Variants in NRG2 observed in about 807,000 individuals in gnomAD.
NRG2 encodes pro-neuregulin-2, membrane-bound isoform.
A neutral mutation model predicts 73.9 loss-of-function variants in NRG2; 27 were observed. The ratio of observed to expected loss-of-function variants is 0.37; its 90% CI spans 0.27 to 0.50. The LOEUF is 0.50. Among genes scored for constraint, NRG2 ranks in the 20% least tolerant of loss-of-function variants. The pLI is 0.96. For missense variants in NRG2, 1,126 were observed against 1,210.1 expected (o/e 0.93, Z 1.03); for synonymous variants, 532 against 541.0 (o/e 0.98, Z 0.23).
intron 1 of NRG2, among the ~76,000 whole-genome samples, chr5:139,987,875 C>T (rs925749466): frequency 7.3e-5 from 11 of 150,928 alleles, no homozygotes; most frequent in Admixed American, 1.3e-4. Flanking sequence ...CCCGGGTTCA[C>T]GCCATCCTCC....
Position 139,954,199 on chromosome 5 carries a change from C to T in NRG2, c.701-66688G>A, listed in dbSNP as rs902551930. 2.6e-5 allele frequency among the ~76,000 whole-genome samples: 4 copies of T among 152,116 alleles called. No homozygotes were observed. The highest frequency in any genetic ancestry group is 1.9e-4 in the East Asian group (1 of 5,182). The stretch of plus-strand genomic sequence containing the variant: ...ACTGCTTCTCATTAGCAAAAGTGAC[C>T]GTGGAGGAGAAATCCAGCCCAACCC... On this transcript the variant is annotated intron_variant, in intron 1 of 9. Coordinates refer to ENST00000361474, the MANE Select transcript of NRG2 (RefSeq NM_004883.3). The surrounding 1 kb of genome is among the most constrained non-coding windows in gnomAD (Gnocchi z 5.0).
chr5:139,951,471 T>C (rs1754196330), intron 1 of NRG2, among the ~76,000 whole-genome samples: 1 of 152,286 alleles, frequency 6.6e-6, no homozygotes, highest in East Asian at 1.9e-4. Context: ...CCACATGCTG[T>C]AGTCAGGAAG....
intron 1 of NRG2, among the ~76,000 whole-genome samples, chr5:140,026,694 G>A (rs1162626534): frequency 6.6e-6 from 1 of 152,160 alleles, no homozygotes; most frequent in Admixed American, 6.5e-5. Flanking sequence ...GAATTGGATT[G>A]GGGAGACTTT....
chr5:140,030,315 C>A (rs533695599), intron 1 of NRG2, among the ~76,000 whole-genome samples: 1 of 152,244 alleles, frequency 6.6e-6, no homozygotes, highest in African/African-American at 2.4e-5. Flanking sequence ...ACAGAGCTCC[C>A]TAGGATGCAC....
At chr5:139,995,087 ATT>A (rs1212917403) in intron 1 of NRG2, among the ~76,000 whole-genome samples, 1 of 152,222 alleles carries the variant, frequency 6.6e-6, no homozygotes, top group African/African-American at 2.4e-5. Context: ...AAACATACTA[ATT>A]AGCATTCGAA....
chr5:140,015,016 T>C (rs115665303), intron 1 of NRG2, among the ~76,000 whole-genome samples: 1,688 of 152,244 alleles, frequency 0.011, 15 homozygotes, highest in Non-Finnish European at 0.016. Context: ...TGAAATTCCT[T>C]TCACCATGAT....
chr5:139,883,144 C>T (rs1763640368), intron 2 of NRG2, among the ~76,000 whole-genome samples: 1 of 152,142 alleles, frequency 6.6e-6, no homozygotes, highest in African/African-American at 2.4e-5. Flanking sequence ...ACTCTCCTGT[C>T]TCCCTGGCAG....
At chr5:139,942,567 A>G (rs1414658468) in intron 1 of NRG2, among the ~76,000 whole-genome samples, 3 of 152,308 alleles carry the variant, frequency 2.0e-5, no homozygotes, top group Admixed American at 2.0e-4. Context: ...CCTCAAATAA[A>G]CAATAATAAA....
At position 139,870,729 on chromosome 5, in the gene NRG2, T is replaced by C. The variant is rs549352504; in HGVS notation, c.1112+992A>G. Reference sequence around the variant, plus strand: ...ATTAACTAGGCCCCCCTCCCACTCCTCTCCTAGATCTGTCTGGAGCCTATG... The same window carrying C: ...ATTAACTAGGCCCCCCTCCCACTCCCCTCCTAGATCTGTCTGGAGCCTATG... On this transcript the variant is annotated intron_variant, in intron 4 of 9. Coordinates refer to ENST00000361474, the MANE Select transcript of NRG2 (RefSeq NM_004883.3). This position sits in a 1 kb window ranked among gnomAD's most constrained non-coding sequence, Gnocchi z 4.4. Among the ~76,000 whole-genome samples the C allele has an allele frequency of 2.6e-5, 4 of 152,236 alleles. No homozygotes were observed. The South Asian group carries it at 8.3e-4, about 32-fold the overall frequency.
intron 1 of NRG2, among the ~76,000 whole-genome samples, chr5:139,979,556 G>A (rs1756636520): frequency 6.6e-6 from 1 of 152,200 alleles, no homozygotes; most frequent in African/African-American, 2.4e-5. Flanking sequence ...CATAGAATGT[G>A]GGGAATGATG....
intron 1 of NRG2, among the ~76,000 whole-genome samples, chr5:139,991,595 C>G (rs1481608254): frequency 6.6e-6 from 1 of 152,232 alleles, no homozygotes; most frequent in East Asian, 1.9e-4. Flanking sequence ...AGAGGTTTCA[C>G]CATTTTGGCC....
chr5:140,017,228 G>A (rs1002594296), intron 1 of NRG2, among the ~76,000 whole-genome samples: 1 of 152,124 alleles, frequency 6.6e-6, no homozygotes, highest in Non-Finnish European at 1.5e-5. Context: ...AACACAAAGT[G>A]CAACTTAAGT....
chr5:139,943,122 C>T (rs553968207), intron 1 of NRG2, among the ~76,000 whole-genome samples: 1 of 151,710 alleles, frequency 6.6e-6, no homozygotes, highest in East Asian at 1.9e-4. Flanking sequence ...ATTATAGGTG[C>T]GAGCCACCGT....
rs886677251 is a variant in NRG2, at chr5:139,868,658, G to A, written c.1113-3033C>T. Reference sequence around the variant, plus strand: ...TTCCCCTTTTCCCACCCCACCTCCCGGGCCTCAGTTTCTCCTTTTGGTAGC... The same window carrying A: ...TTCCCCTTTTCCCACCCCACCTCCCAGGCCTCAGTTTCTCCTTTTGGTAGC... On this transcript the variant is annotated intron_variant, in intron 4 of 9. Transcript: ENST00000361474. This position sits in a 1 kb window ranked among gnomAD's most constrained non-coding sequence, Gnocchi z 4.2. Among the ~76,000 whole-genome samples the A allele has an allele frequency of 5.3e-5, 8 of 152,060 alleles. No homozygotes were observed. Among genetic ancestry groups the A allele is most frequent in the East Asian group, 3.9e-4 (2 of 5,190 alleles).
chr5:140,043,075 C>T lies in NRG2; in HGVS notation c.-6G>A. On this transcript the variant is annotated 5_prime_UTR_variant, in exon 1 of 10. The change creates a premature stop within an existing upstream ORF in the 5' untranslated region. Coordinates refer to ENST00000361474, the MANE Select transcript of NRG2 (RefSeq NM_004883.3). The surrounding 1 kb of genome is among the most constrained non-coding windows in gnomAD (Gnocchi z 6.7). ...GAGCAGCAAACCTGCCGCATCTGGCCAGGCCATTTGGGGGGCTCCGCCGCT... is the reference window on the plus strand; with the variant it reads ...GAGCAGCAAACCTGCCGCATCTGGCTAGGCCATTTGGGGGGCTCCGCCGCT... The T allele has an allele frequency of 6.4e-7, 1 of 1,570,848 alleles. No individual in the cohort carries two copies. The highest frequency in any genetic ancestry group is 8.6e-7 in the Non-Finnish European group (1 of 1,167,274).
chr5:139,848,745 CGGGGGAGGGGGGGTTGGGGGT>C, intron 9 of NRG2, 48 bp from the exon 10 acceptor site: 5 of 63,928 alleles, frequency 7.8e-5, no homozygotes, highest in Non-Finnish European at 9.5e-5. Flanking sequence ...CGGGCCGGCG[CGGGGGAGGGGGGGTTGGGGGT>C]GGGGTAGGGT....
intron 1 of NRG2, among the ~76,000 whole-genome samples, chr5:139,901,342 G>C (rs1251181345): frequency 3.9e-5 from 6 of 152,206 alleles, no homozygotes; most frequent in Non-Finnish European, 2.9e-5. Flanking sequence ...CAGGGAGCCA[G>C]AGCAGAGCAT....
chr5:139,847,944 C>A lies in NRG2; in HGVS notation c.2526G>T (p.Arg842=). The A allele has an allele frequency of 1.3e-6, 2 of 1,501,822 alleles. No homozygotes were observed. Among genetic ancestry groups the A allele is most frequent in the South Asian group, 1.3e-5 (1 of 79,870 alleles). The allele number at this position is 1,501,822 out of a possible 1,614,324, so 93.0% of individuals were successfully genotyped here. A position where few individuals can be genotyped will look rare whatever the true frequency, so the allele number is the denominator to read the frequency against. The change falls in exon 10 of 10, where the codon CGG becomes CGT. Residue 842 remains arginine, a synonymous_variant. Transcript: ENST00000361474. ...AGAGTGGCGCCGAGTCCTGCTTGGC[C>A]CGCGGGGGCGGCCCGCGGCTGTGTC... The part of the protein sequence containing the change: ...SSRHSRGPPP[R]AKQDSAPL
intron 1 of NRG2, among the ~76,000 whole-genome samples, chr5:139,902,789 C>CAG (rs1764972277): frequency 6.6e-6 from 1 of 152,184 alleles, no homozygotes; most frequent in Non-Finnish European, 1.5e-5. Context: ...AGGCACCCTG[C>CAG]ATTCTTTCAG....
Sources: gnomAD v4.1 joint callset for allele counts (sites outside exome capture counted in the v4.1 genomes callset) on GRCh38, gnomAD v4.1.1 for gene constraint, Gnocchi (gnomAD v3.1) non-coding constraint, MANE v1.5 for transcripts, NCBI Gene and HGNC (gene_info 2026-07-23, HGNC 2026-07-21) for gene names.